NEXN: variants seen among roughly 807,000 people sequenced by gnomAD.
NEXN encodes the protein nexilin F-actin binding protein.
In NEXN, 65 loss-of-function variants were observed where a neutral mutation model predicts 92.6. The ratio of observed to expected loss-of-function variants is 0.70; its 90% CI spans 0.57 to 0.86. The LOEUF (loss-of-function observed/expected upper bound fraction) is 0.86, where lower values mean the gene tolerates loss of function less well. Among genes scored for constraint, NEXN ranks in the 40% least tolerant of loss-of-function variants. NEXN has a pLI of 0.00. For synonymous variants in NEXN, 254 were observed against 242.5 expected, an observed-to-expected ratio of 1.05 and a Z score of -0.44; for missense variants, 778 against 771.1, an observed-to-expected ratio of 1.01 and a Z score of -0.11.
intron 10 of NEXN, 71 bp from the exon 11 acceptor site, chr1:77,935,752 A>C: frequency 1.4e-6 from 2 of 1,414,720 alleles, no homozygotes; most frequent in South Asian, 2.4e-5. Flanking sequence ...CAGGAATTCA[A>C]GGCCAGCCTT....
chr1:77,934,013 T>TTTTTTTA (rs1352302990), intron 10 of NEXN, among the ~76,000 whole-genome samples: 1 of 139,426 alleles, frequency 7.2e-6, no homozygotes, highest in Non-Finnish European at 1.5e-5. Flanking sequence ...AATTTTTAAT[T>TTTTTTTA]TTTTTTTTTT....
chr1:77,922,838 G>A lies in NEXN; in HGVS notation c.448-2350G>A, dbSNP rs557044969. On this transcript the variant is annotated intron_variant, in intron 5 of 12. Transcript: ENST00000334785. The stretch of plus-strand genomic sequence containing the variant: ...TCTCGATCTCCTGATCTCGTGATCC[G>A]CCCGCCTCGGCCTCCCAAAGTGCTG... Among the ~76,000 whole-genome samples the A allele has an allele frequency of 9.2e-5, 14 of 151,670 alleles. 1 individual carries two copies. In the South Asian group the frequency reaches 2.7e-3, roughly 29 times the overall value.
In NEXN at chr1:77,942,999, A is replaced by G. The variant is rs896697465; in HGVS notation, c.*170A>G. On this transcript the variant is annotated 3_prime_UTR_variant, in exon 13 of 13. Transcript: ENST00000334785. ...TTTCTGTGGCGGGGCCAAAAAAGGA[A>G]ACCAGGAGTGCCACTATGCTGACTT... The G allele has an allele frequency of 2.4e-6, 2 of 849,994 alleles. No homozygotes were observed. The highest frequency in any genetic ancestry group is 3.8e-6 in the Non-Finnish European group (2 of 523,898). The allele number at this position is 849,994 out of a possible 1,614,324, so 52.7% of individuals were successfully genotyped here. A position where few individuals can be genotyped will look rare whatever the true frequency, so the allele number is the denominator to read the frequency against.
intron 8 of NEXN, among the ~76,000 whole-genome samples, chr1:77,927,793 C>T (rs999438813): frequency 3.3e-5 from 5 of 151,338 alleles, no homozygotes; most frequent in Admixed American, 2.6e-4. Context: ...AAAATGAAAG[C>T]GCCTACTTCT....
Position 77,942,051 on chromosome 1 carries a change from G to A in NEXN, c.1502G>A (p.Arg501Lys), listed in dbSNP as rs1162711781. Residue 501 changes from arginine (R) to lysine (K), a missense_variant, in exon 12 of 13, where the codon AGA becomes AAA. Coordinates refer to ENST00000334785, the MANE Select transcript of NEXN (RefSeq NM_144573.4). ...GATGATGTTGATGTTAGGCCTGCAA[G>A]AAAAAGCGAGGCTCCATTTACTCAC... is the stretch of plus-strand genomic sequence containing the variant. ...EEDDVDVRPA[R>K]KSEAPFTHKV... 1.2e-6 allele frequency: 2 copies of A among 1,613,324 alleles called. No homozygotes were observed. The highest frequency in any genetic ancestry group is 1.7e-6 in the Non-Finnish European group (2 of 1,179,522).
intron 1 of NEXN, among the ~76,000 whole-genome samples, chr1:77,908,999 G>A (rs1416634705): frequency 1.3e-5 from 2 of 152,196 alleles, no homozygotes; most frequent in East Asian, 1.9e-4. Context: ...TGTAAGAGAA[G>A]TTTGAAAGCA....
rs781286720 is a variant in NEXN at position 77,942,913 on chromosome 1, G to A, written c.*84G>A. 3.4e-6 allele frequency: 5 copies of A among 1,491,192 alleles called. No homozygotes were observed. The South Asian group carries it at 6.1e-5, about 18-fold the overall frequency. 92.4% of individuals were successfully genotyped at this position (1,491,192 alleles called of 1,614,324 possible). A position where few individuals can be genotyped will look rare whatever the true frequency, so the allele number is the denominator to read the frequency against. ...TCTCTTTTTTAGCTGATGACTACTA[G>A]CTCCCCTCCCCTCTCCCTGGAACTT... is the stretch of plus-strand genomic sequence containing the variant. On this transcript the variant is annotated 3_prime_UTR_variant, in exon 13 of 13. Coordinates refer to ENST00000334785, the MANE Select transcript of NEXN (RefSeq NM_144573.4).
intron 1 of NEXN, among the ~76,000 whole-genome samples, chr1:77,897,698 T>C (rs1271284809): frequency 6.6e-6 from 1 of 152,132 alleles, no homozygotes; most frequent in Non-Finnish European, 1.5e-5. Flanking sequence ...GGTATTCAAT[T>C]AGGAAAAGAG....
chr1:77,925,178 C>T lies in NEXN; in HGVS notation c.448-10C>T, dbSNP rs773027207. 13 of 1,574,498 alleles carry T rather than the reference C, an allele frequency of 8.3e-6. No homozygotes were observed. The Admixed American group carries it at 1.8e-4, about 22-fold the overall frequency. On this transcript the variant is annotated splice_polypyrimidine_tract_variant and intron_variant, in intron 5 of 12. Coordinates refer to ENST00000334785, the MANE Select transcript of NEXN (RefSeq NM_144573.4). ...ATGTAATGTAATGATATGAAATTCTCATTCAATAGATTGAGGACATAAACA... is the reference window on the plus strand; with the variant it reads ...ATGTAATGTAATGATATGAAATTCTTATTCAATAGATTGAGGACATAAACA...
intron 11 of NEXN, among the ~76,000 whole-genome samples, chr1:77,939,186 G>T (rs755495850): frequency 6.6e-6 from 1 of 152,158 alleles, no homozygotes; most frequent in Non-Finnish European, 1.5e-5. Context: ...AGTTGGTTGC[G>T]GAGGGGTCTA....
At chr1:77,891,216 A>G (rs1190366681) in intron 1 of NEXN, among the ~76,000 whole-genome samples, 2 of 152,190 alleles carry the variant, frequency 1.3e-5, no homozygotes, top group Non-Finnish European at 2.9e-5. Context: ...AATTTGTATT[A>G]TAATGTTAAT....
In NEXN at chr1:77,916,039, T is replaced by C. The variant is rs557864364; in HGVS notation, c.-52-16T>C. The C allele has an allele frequency of 7.4e-4, 703 of 955,414 alleles. 1 individual carries two copies. The highest frequency in any genetic ancestry group is 1.1e-3 in the Middle Eastern group (3 of 2,746). 59.2% of individuals were successfully genotyped at this position (955,414 alleles called of 1,614,324 possible). ...AAATAAATTAAAATTTATTATACAA[T>C]ATAAATTTTTTTCAGGTGCAAATAT... On this transcript the variant is annotated splice_polypyrimidine_tract_variant and intron_variant, in intron 1 of 12. Coordinates refer to ENST00000334785, the MANE Select transcript of NEXN (RefSeq NM_144573.4).
At chr1:77,902,312 TA>T (rs1338571357) in intron 1 of NEXN, among the ~76,000 whole-genome samples, 3 of 152,176 alleles carry the variant, frequency 2.0e-5, no homozygotes, top group African/African-American at 7.2e-5. Flanking sequence ...ACTGCAGTTT[TA>T]AAAAAATCCT....
At chr1:77,916,992 T>C (rs1212447248) in intron 2 of NEXN, among the ~76,000 whole-genome samples, 1 of 152,140 alleles carries the variant, frequency 6.6e-6, no homozygotes, top group Non-Finnish European at 1.5e-5. Context: ...AGTAACAACA[T>C]AAATCACAGC....
chr1:77,926,675 C>G, intron 7 of NEXN, 41 bp from the exon 8 acceptor site: 1 of 1,613,714 alleles, frequency 6.2e-7, no homozygotes, highest in South Asian at 1.1e-5. Flanking sequence ...GCAGCATTTT[C>G]CTTTATGACT....
Position 77,942,690 on chromosome 1 carries a change from A to G in NEXN, c.1889A>G (p.Tyr630Cys), listed in dbSNP as rs769713624. 1.7e-5 allele frequency: 27 copies of G among 1,613,694 alleles called. No homozygotes were observed. Among genetic ancestry groups the G allele is most frequent in the Non-Finnish European group, 2.3e-5 (27 of 1,179,736 alleles). ...EILQDGEDYQ[Y>C]IERGETYCLY... ...CTGCAGGATGGAGAAGACTATCAAT[A>G]TATTGAAAGGGGAGAAACTTACTGC... The change falls in exon 13 of 13, where the codon TAT becomes TGT. Residue 630 changes from tyrosine (Y) to cysteine (C), a missense_variant. Transcript: ENST00000334785.
intron 1 of NEXN, among the ~76,000 whole-genome samples, chr1:77,903,517 T>C (rs1647878264): frequency 6.6e-6 from 1 of 152,180 alleles, no homozygotes; most frequent in Non-Finnish European, 1.5e-5. Flanking sequence ...ACTTTGAATT[T>C]TATAGCTTCT....
rs1651278718 is a variant in NEXN at position 77,941,241 on chromosome 1, GTCAAGAAACCA to G, written c.1474-781_1474-771del. Among the ~76,000 whole-genome samples, 6 of 99,516 alleles carry G rather than the reference GTCAAGAAACCA, an allele frequency of 6.0e-5. No individual in the cohort carries two copies. The Admixed American group carries it at 6.6e-4, about 11-fold the overall frequency. 65.3% of individuals were successfully genotyped at this position (99,516 alleles called of 152,430 possible). The stretch of plus-strand genomic sequence containing the variant: ...ATGCCTAGGTAGTTAGAAACCAAAA[GTCAAGAAACCA>G]AAAGTCAACAACTGAAGTACTTTAG... On this transcript the variant is annotated intron_variant, in intron 11 of 12. Coordinates refer to ENST00000334785, the MANE Select transcript of NEXN (RefSeq NM_144573.4).
At chr1:77,896,166 G>C (rs1647240389) in intron 1 of NEXN, among the ~76,000 whole-genome samples, 1 of 32,686 alleles carries the variant, frequency 3.1e-5, no homozygotes, top group Non-Finnish European at 7.9e-5. Flanking sequence ...GTGAGACTTT[G>C]TCTCAATAAA....
Sources: allele counts gnomAD v4.1 joint callset (sites outside exome capture counted in the v4.1 genomes callset), GRCh38; gene constraint gnomAD v4.1.1; transcripts MANE v1.5; gene names NCBI Gene and HGNC (gene_info 2026-07-23, HGNC 2026-07-21).